The following PTGFRN variants were observed in gnomAD, a reference collection of about 807,000 sequenced individuals.
The protein encoded by PTGFRN is prostaglandin F2 receptor negative regulator.
A neutral mutation model predicts 83.2 loss-of-function variants in PTGFRN; 35 were observed. The observed-to-expected ratio is 0.42, with a 90% CI of 0.32 to 0.56. The LOEUF is 0.56. PTGFRN is among the 20% of genes least tolerant of loss of function. PTGFRN has a pLI of 0.11. For missense variants in PTGFRN, 1,051 were observed against 1,179.5 expected, an observed-to-expected ratio of 0.89 and a Z score of 1.60; for synonymous variants, 519 against 498.6, an observed-to-expected ratio of 1.04 and a Z score of -0.55.
In PTGFRN at chr1:116,941,911, G is replaced by C. The variant is rs747163742; in HGVS notation, c.246G>C (p.Leu82=). 1.2e-6 allele frequency: 2 copies of C among 1,614,194 alleles called. No homozygotes were observed. Among genetic ancestry groups the C allele is most frequent in the African/African-American group, 2.7e-5 (2 of 75,048 alleles). Residue 82 remains leucine, a synonymous_variant, in exon 2 of 9, where the codon CTG becomes CTC. Coordinates refer to ENST00000393203, the MANE Select transcript of PTGFRN (RefSeq NM_020440.4). The surrounding 1 kb of genome is among the most constrained non-coding windows in gnomAD (Gnocchi z 5.0). ...STWEVGFPAQ[L]YQERLQRGEI... The stretch of plus-strand genomic sequence containing the variant: ...GGGAGGTGGGGTTCCCAGCCCAGCT[G>C]TACCAGGAGCGGCTGCAGAGGGGCG...
chr1:116,934,852 A>G (rs2246319), intron 1 of PTGFRN, among the ~76,000 whole-genome samples: 22,392 of 152,142 alleles, frequency 0.15, 2,872 homozygotes, highest in African/African-American at 0.35. Context: ...TCTTTATCCA[A>G]TGAGGAATTG....
Position 116,983,059 on chromosome 1 carries a change from T to A in PTGFRN, c.2168-1621T>A, listed in dbSNP as rs182384338. On this transcript the variant is annotated intron_variant, in intron 7 of 8. Coordinates refer to ENST00000393203, the MANE Select transcript of PTGFRN (RefSeq NM_020440.4). ...ATAATGTTGTTCATGGTGACCAACT[T>A]TTATTGAGTACTTACTGTGTTCCAG... Among the ~76,000 whole-genome samples the A allele has an allele frequency of 4.8e-3, 735 of 152,302 alleles. 4 individuals carry two copies. Among genetic ancestry groups the A allele is most frequent in the African/African-American group, 0.017 (706 of 41,566 alleles).
Position 116,910,032 on chromosome 1 carries a change from G to T in PTGFRN, c.-172G>T. 1.3e-6 allele frequency: 1 copy of T among 748,972 alleles called. No homozygotes were observed. 46.4% of individuals were successfully genotyped at this position (748,972 alleles called of 1,614,324 possible). On this transcript the variant is annotated 5_prime_UTR_variant, in exon 1 of 9. Coordinates refer to ENST00000393203, the MANE Select transcript of PTGFRN (RefSeq NM_020440.4). The stretch of plus-strand genomic sequence containing the variant: ...GGCGGGAGGGAGCGAGCGGAGCCAG[G>T]GGCGCACGTACGCCCCAGCGCTGGG...
chr1:116,926,915 T>C (rs1384546786), intron 1 of PTGFRN, among the ~76,000 whole-genome samples: 1 of 152,180 alleles, frequency 6.6e-6, no homozygotes, highest in Non-Finnish European at 1.5e-5. Context: ...GTCAGCTGTC[T>C]TGAAGCACTG....
At chr1:116,942,584 G>A (rs893667813) in intron 2 of PTGFRN, among the ~76,000 whole-genome samples, 2 of 152,246 alleles carry the variant, frequency 1.3e-5, no homozygotes, top group Non-Finnish European at 2.9e-5. Flanking sequence ...GGATGGTCAT[G>A]TTAATGATGC....
intron 1 of PTGFRN, among the ~76,000 whole-genome samples, chr1:116,935,705 A>G (rs1649903493): frequency 6.6e-6 from 1 of 152,200 alleles, no homozygotes; most frequent in South Asian, 2.1e-4. Flanking sequence ...TTGGGTATCA[A>G]AGGTACTCTG....
intron 4 of PTGFRN, among the ~76,000 whole-genome samples, chr1:116,953,284 C>T (rs1456158675): frequency 1.3e-5 from 2 of 152,162 alleles, no homozygotes; most frequent in Admixed American, 1.3e-4. Flanking sequence ...CTGCTAAGTA[C>T]TTGGTAGAAA....
At position 116,924,672 on chromosome 1, in the gene PTGFRN, C is replaced by T. The variant is rs1184803210; in HGVS notation, c.49+14420C>T. 2.6e-5 allele frequency among the ~76,000 whole-genome samples: 4 copies of T among 152,200 alleles called. No individual in the cohort carries two copies. The East Asian group carries it at 5.8e-4, about 22-fold the overall frequency. ...ACAGTTGCCCCAGCCACATGCTCTG[C>T]GCTTTCTGTATTGAGCCTGGTGAAG... is the stretch of plus-strand genomic sequence containing the variant. On this transcript the variant is annotated intron_variant, in intron 1 of 8. Coordinates refer to ENST00000393203, the MANE Select transcript of PTGFRN (RefSeq NM_020440.4).
chr1:116,914,203 T>C (rs1649342435), intron 1 of PTGFRN, among the ~76,000 whole-genome samples: 1 of 152,230 alleles, frequency 6.6e-6, no homozygotes, highest in Admixed American at 6.5e-5. Context: ...ACTTTGGTAG[T>C]CGTCATCACC....
intron 4 of PTGFRN, among the ~76,000 whole-genome samples, chr1:116,954,144 C>T (rs936674802): frequency 6.6e-6 from 1 of 151,984 alleles, no homozygotes; most frequent in South Asian, 2.1e-4. Flanking sequence ...AGGTGTGAGC[C>T]ACCGTGCCTG....
At chr1:116,949,939 GC>G (rs1313941423) in intron 4 of PTGFRN, among the ~76,000 whole-genome samples, 2 of 152,140 alleles carry the variant, frequency 1.3e-5, no homozygotes, top group Non-Finnish European at 2.9e-5. Context: ...GTGCTCCCTG[GC>G]AGGAGCTGGT....
At chr1:116,933,599 C>G (rs1238909109) in intron 1 of PTGFRN, among the ~76,000 whole-genome samples, 8 of 152,120 alleles carry the variant, frequency 5.3e-5, no homozygotes, top group African/African-American at 1.9e-4. Context: ...TTGAAGAACC[C>G]CCTTTAGTAC....
chr1:116,935,680 T>G (rs1385890116), intron 1 of PTGFRN, among the ~76,000 whole-genome samples: 1 of 152,228 alleles, frequency 6.6e-6, no homozygotes, highest in African/African-American at 2.4e-5. Flanking sequence ...ATAGTTAAAG[T>G]GCCCTTATTT....
At chr1:116,933,014 G>C (rs1192375449) in intron 1 of PTGFRN, among the ~76,000 whole-genome samples, 8 of 152,150 alleles carry the variant, frequency 5.3e-5, no homozygotes, top group Admixed American at 4.6e-4. Flanking sequence ...ACAATTTGTG[G>C]ATAGTGCCTG....
intron 1 of PTGFRN, among the ~76,000 whole-genome samples, chr1:116,916,384 T>G (rs1649406847): frequency 6.6e-6 from 1 of 152,156 alleles, no homozygotes. Context: ...GGAATCCTAA[T>G]GAAATAGAGA....
intron 7 of PTGFRN, among the ~76,000 whole-genome samples, chr1:116,976,759 C>T (rs1414068413): frequency 6.6e-6 from 1 of 152,204 alleles, no homozygotes; most frequent in Non-Finnish European, 1.5e-5. Context: ...GTACCAGCCA[C>T]TGCAAAAACA....
chr1:116,942,592 T>G (rs1206379941), intron 2 of PTGFRN, among the ~76,000 whole-genome samples: 1 of 152,218 alleles, frequency 6.6e-6, no homozygotes, highest in Non-Finnish European at 1.5e-5. Context: ...ATGTTAATGA[T>G]GCTCAGGTTT....
At chr1:116,943,249 C>T (rs1650104079) in intron 2 of PTGFRN, among the ~76,000 whole-genome samples, 1 of 152,252 alleles carries the variant, frequency 6.6e-6, no homozygotes, top group African/African-American at 2.4e-5. Flanking sequence ...AACACCCCAT[C>T]TACCTCTTTA....
rs547665093 is a variant in PTGFRN at position 116,973,604 on chromosome 1, CAAAAAAAAA to C, written c.2060-601_2060-593del. On this transcript the variant is annotated intron_variant, in intron 6 of 8. Transcript: ENST00000393203. ...TGCGTGACAGAGCAAGACTCAATCT[CAAAAAAAAA>C]AAAAAAAAAAGGAAAAAGGCATATC... 5.6e-5 allele frequency among the ~76,000 whole-genome samples: 6 copies of C among 107,136 alleles called. No individual in the cohort carries two copies. In the South Asian group the frequency reaches 1.2e-3, roughly 22 times the overall value. 70.3% of individuals were successfully genotyped at this position (107,136 alleles called of 152,430 possible).
Sources: allele counts gnomAD v4.1 joint callset (sites outside exome capture counted in the v4.1 genomes callset), GRCh38; gene constraint gnomAD v4.1.1; non-coding constraint Gnocchi (gnomAD v3.1); transcripts MANE v1.5; gene names NCBI Gene and HGNC (gene_info 2026-07-23, HGNC 2026-07-21).